Variants in NCAM2 observed in about 807,000 individuals in gnomAD.
NCAM2 encodes the protein neural cell adhesion molecule 2, also known as N-CAM-2.
In NCAM2, 30 loss-of-function variants were observed where a neutral mutation model predicts 98.1. The ratio of observed to expected loss-of-function variants is 0.31; its 90% CI spans 0.23 to 0.41. NCAM2 has a LOEUF of 0.41. NCAM2 is among the 10% of genes least tolerant of loss of function. NCAM2 has a pLI of 1.00. For synonymous variants in NCAM2, 368 were observed against 342.4 expected (o/e 1.07, Z -0.83); for missense variants, 867 against 1,005.8 (o/e 0.86, Z 1.87).
intron 9 of NCAM2, among the ~76,000 whole-genome samples, chr21:21,387,175 C>T (rs566186630): frequency 7.9e-4 from 109 of 138,132 alleles, no homozygotes; most frequent in African/African-American, 2.7e-3. Context: ...TTACTTGGTG[C>T]GCACACACAC....
intron 1 of NCAM2, among the ~76,000 whole-genome samples, chr21:21,260,855 A>T (rs2071869657): frequency 6.6e-6 from 1 of 152,132 alleles, no homozygotes; most frequent in Non-Finnish European, 1.5e-5. Context: ...CTCACATACC[A>T]ATATTAACCT....
chr21:21,347,776 T>C (rs997110305), intron 8 of NCAM2, among the ~76,000 whole-genome samples: 1 of 151,980 alleles, frequency 6.6e-6, no homozygotes, highest in African/African-American at 2.4e-5. Context: ...AGACAAATCA[T>C]TCATCATGAC....
chr21:21,336,502 A>G (rs2074873790), intron 7 of NCAM2, among the ~76,000 whole-genome samples: 1 of 152,088 alleles, frequency 6.6e-6, no homozygotes, highest in Non-Finnish European at 1.5e-5. Flanking sequence ...CCAACATGGC[A>G]CATGTATACA....
At position 21,507,119 on chromosome 21, in the gene NCAM2, AT is replaced by A. The variant is rs1028780148; in HGVS notation, c.2078-1731del. 3.2e-4 allele frequency among the ~76,000 whole-genome samples: 48 copies of A among 152,114 alleles called. 1 individual carries two copies. In the South Asian group the frequency reaches 6.8e-3, roughly 22 times the overall value. ...TTAAACCTATTTTTTGAAAAAAAAAATAAAATAATGTAGACATGACACTCAG... is the reference window on the plus strand; with the variant it reads ...TTAAACCTATTTTTTGAAAAAAAAAAAAAATAATGTAGACATGACACTCAG... On this transcript the variant is annotated intron_variant, in intron 15 of 17. Transcript: ENST00000400546.
intron 16 of NCAM2, among the ~76,000 whole-genome samples, chr21:21,533,681 TCTTTATTAGGAGTACCTCA>T (rs766005580): frequency 6.4e-4 from 96 of 150,210 alleles, no homozygotes; most frequent in Non-Finnish European, 8.6e-4. Context: ...CTATTTGAAA[TCTTTATTAGGAGTACCTCA>T]TGCCCAATTC....
chr21:21,378,655 C>T (rs146784881), intron 9 of NCAM2, among the ~76,000 whole-genome samples: 214 of 152,106 alleles, frequency 1.4e-3, no homozygotes, highest in African/African-American at 4.9e-3. Flanking sequence ...GGCATACATT[C>T]GCATGTATAT....
chr21:21,455,408 T>A (rs992318895), intron 12 of NCAM2, among the ~76,000 whole-genome samples: 1 of 151,812 alleles, frequency 6.6e-6, no homozygotes, highest in African/African-American at 2.4e-5. Flanking sequence ...TTCAAGTGAT[T>A]TTTTTTCCTT....
chr21:21,370,854 G>T (rs1220042611), intron 8 of NCAM2, among the ~76,000 whole-genome samples: 2 of 151,816 alleles, frequency 1.3e-5, no homozygotes, highest in Admixed American at 1.3e-4. Flanking sequence ...TTTGGATGTT[G>T]TCTAACAAGT....
chr21:21,395,670 G>A (rs140711632), intron 9 of NCAM2, among the ~76,000 whole-genome samples: 77 of 152,220 alleles, frequency 5.1e-4, no homozygotes, highest in African/African-American at 1.7e-3. Context: ...TAGACACACA[G>A]TCCAATGGAA....
intron 1 of NCAM2, among the ~76,000 whole-genome samples, chr21:21,127,248 T>G (rs1196703179): frequency 6.6e-6 from 1 of 151,966 alleles, no homozygotes; most frequent in Non-Finnish European, 1.5e-5. Context: ...TCTTGATACA[T>G]TACATTTCAG....
rs575831452 is a variant in NCAM2 at position 21,139,706 on chromosome 21, G to T, written c.56-140872G>T. On this transcript the variant is annotated intron_variant, in intron 1 of 17. Transcript: ENST00000400546. ...ATTGTTTGAAAATATGTGTGCAGAAGTATATAAAATAAATATATAAAAATG... is the reference window on the plus strand; with the variant it reads ...ATTGTTTGAAAATATGTGTGCAGAATTATATAAAATAAATATATAAAAATG... Among the ~76,000 whole-genome samples, 10 of 152,134 alleles carry T rather than the reference G, an allele frequency of 6.6e-5. No individual in the cohort carries two copies. The South Asian group carries it at 1.2e-3, about 19-fold the overall frequency.
chr21:21,073,666 T>TA (rs1347377257), intron 1 of NCAM2, among the ~76,000 whole-genome samples: 2 of 152,212 alleles, frequency 1.3e-5, no homozygotes, highest in Non-Finnish European at 2.9e-5. Context: ...ACCTTTAACA[T>TA]ACCTCAGACC....
At chr21:21,147,363 G>T in intron 1 of NCAM2, 1 of 880,104 alleles carries the variant, frequency 1.1e-6, no homozygotes, top group Non-Finnish European at 1.4e-6. Flanking sequence ...GAAATTTAGA[G>T]TAGAAGGAAA....
At chr21:21,082,828 A>G (rs1250517084) in intron 1 of NCAM2, among the ~76,000 whole-genome samples, 2 of 152,132 alleles carry the variant, frequency 1.3e-5, no homozygotes, top group African/African-American at 2.4e-5. Context: ...TCTCTTAGGT[A>G]TTTGAACCTT....
chr21:21,141,677 A>G (rs1441708651), intron 1 of NCAM2, among the ~76,000 whole-genome samples: 1 of 152,190 alleles, frequency 6.6e-6, no homozygotes, highest in African/African-American at 2.4e-5. Flanking sequence ...TTACTCATGG[A>G]AGGCTCTTAA....
chr21:21,445,959 G>A (rs1412800690), intron 12 of NCAM2, among the ~76,000 whole-genome samples: 1 of 152,154 alleles, frequency 6.6e-6, no homozygotes, highest in Non-Finnish European at 1.5e-5. Flanking sequence ...GGTTTTTGCA[G>A]TGGCTGGTAC....
In NCAM2 at chr21:21,416,551, GAC is replaced by G. The variant is rs531416826; in HGVS notation, c.1384-1918_1384-1917del. On this transcript the variant is annotated intron_variant, in intron 10 of 17. Coordinates refer to ENST00000400546, the MANE Select transcript of NCAM2 (RefSeq NM_004540.5). Reference sequence around the variant, plus strand: ...CTATCTTTCAAGCATGGCAAAGTAAGACACAATAAAACAGGTATGCCTATATT... The same window carrying G: ...CTATCTTTCAAGCATGGCAAAGTAAGACAATAAAACAGGTATGCCTATATT... Among the ~76,000 whole-genome samples, 686 of 151,438 alleles carry G rather than the reference GAC, an allele frequency of 4.5e-3. 4 individuals are homozygous for G. Among genetic ancestry groups the G allele is most frequent in the Non-Finnish European group, 5.4e-3 (369 of 67,808 alleles).
intron 9 of NCAM2, among the ~76,000 whole-genome samples, chr21:21,392,712 C>T (rs1395657419): frequency 1.3e-5 from 2 of 152,152 alleles, no homozygotes; most frequent in East Asian, 3.9e-4. Context: ...TGATATTGAG[C>T]TTTTTATCAA....
intron 1 of NCAM2, among the ~76,000 whole-genome samples, chr21:21,157,732 A>G (rs566121259): frequency 9.9e-5 from 15 of 152,144 alleles, no homozygotes; most frequent in Non-Finnish European, 2.2e-4. Flanking sequence ...AGACATTTTT[A>G]CTACACAGTT....
Sources: allele counts gnomAD v4.1 joint callset (sites outside exome capture counted in the v4.1 genomes callset), GRCh38; gene constraint gnomAD v4.1.1; transcripts MANE v1.5; gene names NCBI Gene and HGNC (gene_info 2026-07-23, HGNC 2026-07-21).